Variants in ZFAND3 observed in about 807,000 individuals in gnomAD.
The protein encoded by ZFAND3 is AN1-type zinc finger protein 3.
Under a neutral mutation model 29.6 loss-of-function variants are expected in ZFAND3, and 10 were observed. That is an observed-to-expected ratio of 0.34 (90% confidence interval 0.21 to 0.57). ZFAND3 has a LOEUF of 0.57. Ranked by LOEUF, ZFAND3 falls within the 20% of genes least tolerant of loss-of-function variation. The pLI, the probability that ZFAND3 is intolerant of heterozygous loss-of-function variation, is 0.86. For missense variants in ZFAND3, 230 were observed against 304.5 expected (o/e 0.76, Z 1.82); for synonymous variants, 128 against 112.6 (o/e 1.14, Z -0.87).
At chr6:38,030,753 A>T (rs1170774955) in intron 2 of ZFAND3, among the ~76,000 whole-genome samples, 1 of 152,144 alleles carries the variant, frequency 6.6e-6, no homozygotes, top group Non-Finnish European at 1.5e-5. Context: ...TATGACCTAC[A>T]GGTCTGCATT....
chr6:37,979,630 A>C (rs1762547777), intron 2 of ZFAND3, among the ~76,000 whole-genome samples: 1 of 152,178 alleles, frequency 6.6e-6, no homozygotes. Flanking sequence ...GGGCACAGGC[A>C]CTATTCCTTG....
intron 1 of ZFAND3, chr6:37,832,921 C>CT (rs1763891148): frequency 6.6e-6 from 1 of 152,158 alleles, no homozygotes; most frequent in South Asian, 2.1e-4. Context: ...CCTCTGGCCT[C>CT]AAGTGATCCT....
intron 2 of ZFAND3, among the ~76,000 whole-genome samples, chr6:37,935,113 A>T (rs1226135067): frequency 1.3e-5 from 2 of 152,138 alleles, no homozygotes. Context: ...AATTCTTCCC[A>T]GTCAAAAGTG....
intron 1 of ZFAND3, among the ~76,000 whole-genome samples, chr6:37,829,751 A>G (rs1412263773): frequency 1.3e-5 from 2 of 152,158 alleles, no homozygotes; most frequent in Non-Finnish European, 2.9e-5. Flanking sequence ...AGCACTTCCA[A>G]TATGTGCTTA....
intron 1 of ZFAND3, among the ~76,000 whole-genome samples, chr6:37,844,930 A>G (rs933566801): frequency 6.6e-6 from 1 of 151,550 alleles, no homozygotes; most frequent in African/African-American, 2.4e-5. Context: ...AGGCTGAGGC[A>G]AGAGAATGGC....
intron 1 of ZFAND3, among the ~76,000 whole-genome samples, chr6:37,870,133 AG>A (rs538761706): frequency 1.2e-4 from 18 of 151,470 alleles, no homozygotes; most frequent in Non-Finnish European, 2.5e-4. Context: ...TTTTCTTTGA[AG>A]TGTGTTGTTA....
chr6:38,076,565 G>A (rs572096062), intron 3 of ZFAND3, among the ~76,000 whole-genome samples: 2 of 152,316 alleles, frequency 1.3e-5, no homozygotes, highest in East Asian at 3.9e-4. Context: ...TTTAAATAGT[G>A]TGAAAGATCA....
rs184547732 is a variant in ZFAND3 at position 37,949,016 on chromosome 6, G to A, written c.112+19017G>A. 6.6e-4 allele frequency among the ~76,000 whole-genome samples: 101 copies of A among 152,218 alleles called. 1 individual carries two copies. The highest frequency in any genetic ancestry group is 1.4e-3 in the Admixed American group (21 of 15,292). ...CAGTAATAGATTGCTGGGTCAAATT[G>A]TAGTTCTTTGAGAAATCTCCAAACT... On this transcript the variant is annotated intron_variant, in intron 2 of 5. Transcript: ENST00000287218.
intron 2 of ZFAND3, among the ~76,000 whole-genome samples, chr6:37,982,486 G>T (rs1762596675): frequency 6.6e-6 from 1 of 152,142 alleles, no homozygotes. Flanking sequence ...GACCACATAT[G>T]CAACAGTGGT....
intron 2 of ZFAND3, among the ~76,000 whole-genome samples, chr6:38,049,019 TAC>T: frequency 6.6e-6 from 1 of 152,240 alleles, no homozygotes; most frequent in Non-Finnish European, 1.5e-5. Context: ...TTATTTTTTT[TAC>T]ATTTGAAATC....
At chr6:38,040,569 CTTTTAA>C (rs1264136511) in intron 2 of ZFAND3, among the ~76,000 whole-genome samples, 4 of 152,122 alleles carry the variant, frequency 2.6e-5, no homozygotes, top group Admixed American at 2.6e-4. Flanking sequence ...AAACATAAAT[CTTTTAA>C]TTTTGATACA....
intron 1 of ZFAND3, among the ~76,000 whole-genome samples, chr6:37,896,574 C>CTT (rs766462338): frequency 8.5e-6 from 1 of 117,004 alleles, no homozygotes; most frequent in African/African-American, 3.7e-5. Flanking sequence ...TTCTTTCTCT[C>CTT]TTTCTCTCTC....
chr6:38,153,011 C>G lies in ZFAND3; in HGVS notation c.*622C>G. 3.0e-6 allele frequency: 3 copies of G among 985,884 alleles called. No homozygotes were observed. Among genetic ancestry groups the G allele is most frequent in the Non-Finnish European group, 3.6e-6 (3 of 829,968 alleles). 61.1% of individuals were successfully genotyped at this position (985,884 alleles called of 1,614,324 possible). A position where few individuals can be genotyped will look rare whatever the true frequency, so the allele number is the denominator to read the frequency against. ...TTTTACCTGACTTGCTATGAAAAAACTCATCACACAAGAAGAGAAACAGTA... is the reference window on the plus strand; with the variant it reads ...TTTTACCTGACTTGCTATGAAAAAAGTCATCACACAAGAAGAGAAACAGTA... On this transcript the variant is annotated 3_prime_UTR_variant, in exon 6 of 6. Transcript: ENST00000287218.
intron 2 of ZFAND3, among the ~76,000 whole-genome samples, chr6:38,046,744 T>G (rs1763911522): frequency 2.0e-5 from 3 of 152,236 alleles, no homozygotes; most frequent in Admixed American, 2.0e-4. Flanking sequence ...GAGTCAGGGT[T>G]AGATTATCTG....
chr6:38,024,210 C>T (rs1056928626), intron 2 of ZFAND3, among the ~76,000 whole-genome samples: 2 of 152,082 alleles, frequency 1.3e-5, no homozygotes, highest in African/African-American at 2.4e-5. Flanking sequence ...TGGGGGCTCA[C>T]GTCTGTAATC....
intron 2 of ZFAND3, among the ~76,000 whole-genome samples, chr6:37,951,204 T>C (rs1761992310): frequency 6.6e-6 from 1 of 152,224 alleles, no homozygotes; most frequent in Non-Finnish European, 1.5e-5. Context: ...GAAATGCTGC[T>C]GATATTTGTC....
At position 38,072,955 on chromosome 6, in the gene ZFAND3, C is replaced by A. The variant is rs566885447; in HGVS notation, c.296-9437C>A. Among the ~76,000 whole-genome samples the A allele has an allele frequency of 9.8e-5, 15 of 152,300 alleles. No individual in the cohort carries two copies. The South Asian group carries it at 3.1e-3, about 32-fold the overall frequency. On this transcript the variant is annotated intron_variant, in intron 3 of 5. Coordinates refer to ENST00000287218, the MANE Select transcript of ZFAND3 (RefSeq NM_021943.3). ...CTTCACTACACAATTAAAATTGTGA[C>A]ATTTTCAACTATTAGTTGCAAAGAG...
intron 2 of ZFAND3, among the ~76,000 whole-genome samples, chr6:38,002,145 T>A (rs1280273550): frequency 6.6e-6 from 1 of 152,174 alleles, no homozygotes; most frequent in Non-Finnish European, 1.5e-5. Context: ...TATTCATGCG[T>A]ACTAAGCCTA....
chr6:37,983,875 A>T (rs1431714872), intron 2 of ZFAND3, among the ~76,000 whole-genome samples: 2 of 152,208 alleles, frequency 1.3e-5, no homozygotes, highest in Non-Finnish European at 2.9e-5. Flanking sequence ...TCACTCTATG[A>T]TGTTCACACA....
Sources: gnomAD v4.1 joint callset for allele counts (sites outside exome capture counted in the v4.1 genomes callset) on GRCh38, gnomAD v4.1.1 for gene constraint, MANE v1.5 for transcripts, NCBI Gene and HGNC (gene_info 2026-07-23, HGNC 2026-07-21) for gene names.